The following MOB3B variants were observed in gnomAD, a reference collection of about 807,000 sequenced individuals.
MOB3B encodes the protein MOB kinase activator 3B, also known as MOB kinase activator-like 2B.
Under a neutral mutation model 18.7 loss-of-function variants are expected in MOB3B, and 7 were observed. That is an observed-to-expected ratio of 0.37 (90% CI 0.21 to 0.70). The LOEUF is 0.70. MOB3B is among the 30% of genes least tolerant of loss of function. The probability of loss-of-function intolerance (pLI) is 0.52; values close to 1 mark genes in which losing one functional copy is unlikely to be tolerated. For synonymous variants in MOB3B, 111 were observed against 99.9 expected (o/e 1.11, Z -0.66); for missense variants, 253 against 281.3 (o/e 0.90, Z 0.72).
intron 1 of MOB3B, among the ~76,000 whole-genome samples, chr9:27,502,569 G>A (rs763557346): frequency 1.9e-4 from 29 of 152,216 alleles, no homozygotes; most frequent in Non-Finnish European, 1.6e-4. Flanking sequence ...AATGTCCTGA[G>A]ATGGCCAAGT....
chr9:27,378,381 T>A (rs1025513254), intron 2 of MOB3B: 1 of 471,750 alleles, frequency 2.1e-6, no homozygotes, highest in East Asian at 7.0e-5. Context: ...CAGGCTCTGA[T>A]GTCAGCTCTG....
At chr9:27,451,346 G>A (rs749692553) in intron 2 of MOB3B, among the ~76,000 whole-genome samples, 1 of 152,166 alleles carries the variant, frequency 6.6e-6, no homozygotes, top group Non-Finnish European at 1.5e-5. Flanking sequence ...CATCTGTTGG[G>A]TTTGTAATAA....
chr9:27,445,481 C>CAGGT (rs1697585223), intron 2 of MOB3B, among the ~76,000 whole-genome samples: 1 of 152,174 alleles, frequency 6.6e-6, no homozygotes, highest in Non-Finnish European at 1.5e-5. Context: ...CTACTGCCCA[C>CAGGT]AGGTAGTTTC....
chr9:27,339,401 C>T (rs1256772644), intron 3 of MOB3B, among the ~76,000 whole-genome samples: 3 of 152,264 alleles, frequency 2.0e-5, no homozygotes, highest in East Asian at 3.9e-4. Context: ...GAGAAGTGAA[C>T]GAATGAATGA....
intron 1 of MOB3B, among the ~76,000 whole-genome samples, chr9:27,515,126 C>A (rs995817803): frequency 6.6e-6 from 1 of 152,222 alleles, no homozygotes; most frequent in Non-Finnish European, 1.5e-5. Flanking sequence ...TCTACACTAT[C>A]GACATTGGAC....
At chr9:27,346,447 T>G (rs1156335917) in intron 3 of MOB3B, among the ~76,000 whole-genome samples, 3 of 152,208 alleles carry the variant, frequency 2.0e-5, no homozygotes, top group African/African-American at 7.2e-5. Flanking sequence ...TCTTCCTTTT[T>G]ATAATGAAGA....
intron 2 of MOB3B, among the ~76,000 whole-genome samples, chr9:27,452,992 G>A (rs4406502): frequency 0.13 from 19,213 of 152,160 alleles, 1,284 homozygotes; most frequent in African/African-American, 0.17. Context: ...TCTAAAAAGT[G>A]CAGGCTTTTA....
At chr9:27,516,398 G>A (rs913832824) in intron 1 of MOB3B, among the ~76,000 whole-genome samples, 12 of 152,128 alleles carry the variant, frequency 7.9e-5, no homozygotes, top group African/African-American at 2.9e-4. Flanking sequence ...TGTATTTCAT[G>A]GGAGGCATAT....
chr9:27,390,157 A>AACCTCCGCCT (rs1326449749), intron 2 of MOB3B, among the ~76,000 whole-genome samples: 4 of 151,788 alleles, frequency 2.6e-5, no homozygotes, highest in East Asian at 1.9e-4. Context: ...GGCTCACAGC[A>AACCTCCGCCT]ACCTCCGCCT....
intron 3 of MOB3B, among the ~76,000 whole-genome samples, chr9:27,343,201 G>T (rs139252383): frequency 6.6e-6 from 1 of 151,532 alleles, no homozygotes; most frequent in South Asian, 2.1e-4. Context: ...TCTGAAACAT[G>T]TGCTGTGTCC....
rs537861769 is a variant in MOB3B at position 27,447,562 on chromosome 9, G to A, written c.418+7571C>T. 1.4e-4 allele frequency among the ~76,000 whole-genome samples: 21 copies of A among 152,322 alleles called. No individual in the cohort carries two copies. The South Asian group carries it at 4.4e-3, about 32-fold the overall frequency. ...CATAGCACAGGTAATGGAGAATCCAGTGCAGGTCCGGACAGCAGGTAATTA... is the reference window on the plus strand; with the variant it reads ...CATAGCACAGGTAATGGAGAATCCAATGCAGGTCCGGACAGCAGGTAATTA... On this transcript the variant is annotated intron_variant, in intron 2 of 3. Transcript: ENST00000262244.
At chr9:27,525,531 C>G (rs79686970) in intron 1 of MOB3B, among the ~76,000 whole-genome samples, 4,960 of 152,174 alleles carry the variant, frequency 0.033, 109 homozygotes, top group Middle Eastern at 0.065. Flanking sequence ...AATAGTATTT[C>G]ATTACTTTAA....
At chr9:27,435,028 A>G (rs1822476597) in intron 2 of MOB3B, among the ~76,000 whole-genome samples, 3 of 151,220 alleles carry the variant, frequency 2.0e-5, no homozygotes, top group African/African-American at 7.3e-5. Context: ...TCTAAAGGAA[A>G]ATACCATTTG....
intron 2 of MOB3B, among the ~76,000 whole-genome samples, chr9:27,395,127 G>T (rs554879869): frequency 6.6e-6 from 1 of 152,178 alleles, no homozygotes; most frequent in African/African-American, 2.4e-5. Context: ...TCATTAAGTC[G>T]GGATGTCTTG....
At chr9:27,350,376 T>A (rs933471400) in intron 3 of MOB3B, among the ~76,000 whole-genome samples, 2 of 152,182 alleles carry the variant, frequency 1.3e-5, no homozygotes, top group Non-Finnish European at 2.9e-5. Context: ...CTTTTATTAC[T>A]TAATATTATA....
Position 27,513,378 on chromosome 9 carries a change from A to T in MOB3B, c.-199+16177T>A, listed in dbSNP as rs28669284. Reference sequence around the variant, plus strand: ...TACTCTAGCCCCTTCTCCAAACTGTACCCCTACAAGGCCCCCAAAGGGATC... The same window carrying T: ...TACTCTAGCCCCTTCTCCAAACTGTTCCCCTACAAGGCCCCCAAAGGGATC... On this transcript the variant is annotated intron_variant, in intron 1 of 3. Coordinates refer to ENST00000262244, the MANE Select transcript of MOB3B (RefSeq NM_024761.5). Among the ~76,000 whole-genome samples, 1,194 of 151,952 alleles carry T rather than the reference A, an allele frequency of 7.9e-3. 20 individuals are homozygous for T. The highest frequency in any genetic ancestry group is 0.028 in the African/African-American group (1,151 of 41,448).
At chr9:27,465,021 G>A (rs12335491) in intron 1 of MOB3B, among the ~76,000 whole-genome samples, 5,266 of 151,932 alleles carry the variant, frequency 0.035, 287 homozygotes, top group African/African-American at 0.12. Flanking sequence ...CAAATCTCAC[G>A]ACCTCACATT....
At chr9:27,527,208 T>C (rs541311098) in intron 1 of MOB3B, among the ~76,000 whole-genome samples, 1 of 152,354 alleles carries the variant, frequency 6.6e-6, no homozygotes, top group South Asian at 2.1e-4. Flanking sequence ...AATGCTCTTT[T>C]ATTTTGTTAA....
At chr9:27,499,127 C>G (rs1353308448) in intron 1 of MOB3B, among the ~76,000 whole-genome samples, 5 of 152,096 alleles carry the variant, frequency 3.3e-5, no homozygotes, top group African/African-American at 1.2e-4. Flanking sequence ...GTCTATTTTC[C>G]TCCTTTAATT....
Sources: allele counts gnomAD v4.1 joint callset (sites outside exome capture counted in the v4.1 genomes callset), GRCh38; gene constraint gnomAD v4.1.1; transcripts MANE v1.5; gene names NCBI Gene and HGNC (gene_info 2026-07-23, HGNC 2026-07-21).